The following LIPI variants were observed in gnomAD, a reference collection of about 807,000 sequenced individuals.
LIPI encodes the protein lipase I, also known as lipase member I.
Under a neutral mutation model 50.6 loss-of-function variants are expected in LIPI, and 59 were observed. The observed-to-expected ratio is 1.16, with a 90% CI of 0.94 to 1.45. LIPI has a LOEUF of 1.45. LIPI is among the 40% of genes most tolerant of loss of function. The pLI, the probability that LIPI is intolerant of heterozygous loss-of-function variation, is 0.00. For synonymous variants in LIPI, 203 were observed against 178.2 expected (o/e 1.14, Z -1.11); for missense variants, 586 against 536.3 (o/e 1.09, Z -0.92).
chr21:14,190,672 A>G (rs1278074074), intron 1 of LIPI, among the ~76,000 whole-genome samples: 1 of 152,218 alleles, frequency 6.6e-6, no homozygotes, highest in Non-Finnish European at 1.5e-5. Context: ...TCCTATATTA[A>G]CAGCTGAGAG....
At position 14,134,728 on chromosome 21, in the gene LIPI, G is replaced by A. The variant is rs933056424; in HGVS notation, c.1295+9895C>T. Among the ~76,000 whole-genome samples the A allele has an allele frequency of 1.2e-4, 19 of 152,180 alleles. 2 individuals are homozygous for A. Among genetic ancestry groups the A allele is most frequent in the South Asian group, 1.2e-3 (6 of 4,824 alleles). On this transcript the variant is annotated intron_variant, in intron 9 of 9. Transcript: ENST00000681601. ...TTCAATAAATAGTAGTAGGAAAATT[G>A]AATAGCCATAGGCAGAATAATGAAA...
chr21:14,195,474 C>T (rs2019813850), intron 1 of LIPI, among the ~76,000 whole-genome samples: 1 of 152,136 alleles, frequency 6.6e-6, no homozygotes, highest in Non-Finnish European at 1.5e-5. Context: ...AACTTAGAGT[C>T]ATCCTCCTTC....
chr21:14,135,064 A>G (rs1391528266), intron 9 of LIPI, among the ~76,000 whole-genome samples: 1 of 150,798 alleles, frequency 6.6e-6, no homozygotes, highest in African/African-American at 2.4e-5. Context: ...AATACTCAGA[A>G]TCTATAAGTA....
chr21:14,165,294 G>T lies in LIPI; in HGVS notation c.830C>A (p.Ser277Ter). 1 of 1,611,914 alleles carries T rather than the reference G, an allele frequency of 6.2e-7. No individual in the cohort carries two copies. The highest frequency in any genetic ancestry group is 1.1e-5 in the South Asian group (1 of 91,024). The change falls in exon 6 of 10, where the codon TCA (serine) becomes TAA (stop). Residue 277 changes from serine (S) to a stop codon, truncating the protein, a stop_gained. Coordinates refer to ENST00000681601, the MANE Select transcript of LIPI (RefSeq NM_001302998.2). LOFTEE classifies it high-confidence loss of function. ...NCNFISFPCRSYKDYKTSLCV... is the reference protein window; with the variant it reads ...NCNFISFPCR ...TAAGCTAGTCTTGTAATCTTTGTAT[G>T]AACGACAAGGAAATGAAATAAAATT... is the stretch of plus-strand genomic sequence containing the variant.
chr21:14,157,684 G>A (rs1266005005), intron 7 of LIPI, among the ~76,000 whole-genome samples: 2 of 151,808 alleles, frequency 1.3e-5, no homozygotes, highest in African/African-American at 4.8e-5. Flanking sequence ...AGAAGAAGGG[G>A]GTGAAAGAAA....
chr21:14,203,007 T>C (rs1181467923), intron 1 of LIPI, among the ~76,000 whole-genome samples: 1 of 151,330 alleles, frequency 6.6e-6, no homozygotes, highest in Non-Finnish European at 1.5e-5. Flanking sequence ...AACAAACCCA[T>C]CAAAAAGTGG....
chr21:14,172,353 A>C lies in LIPI; in HGVS notation c.644-5902T>G, dbSNP rs1447924288. Among the ~76,000 whole-genome samples the C allele has an allele frequency of 4.6e-5, 7 of 152,216 alleles. No individual in the cohort carries two copies. The South Asian group carries it at 8.3e-4, about 18-fold the overall frequency. On this transcript the variant is annotated intron_variant, in intron 4 of 9. Transcript: ENST00000681601. ...AACTAGAAATAGCATTTGACCCAGC[A>C]ATCCCATTACTGGGTATATACCCAA...
At chr21:14,209,053 GA>G (rs1568889956) in intron 1 of LIPI, among the ~76,000 whole-genome samples, 2 of 151,788 alleles carry the variant, frequency 1.3e-5, no homozygotes, top group Admixed American at 6.6e-5. Flanking sequence ...CCTGTCCAAA[GA>G]AAAAAAGAAT....
chr21:14,137,652 T>C (rs186361655), intron 9 of LIPI, among the ~76,000 whole-genome samples: 2 of 152,096 alleles, frequency 1.3e-5, no homozygotes, highest in Non-Finnish European at 2.9e-5. Flanking sequence ...GAGAAAGAGA[T>C]AGGGGTAGAA....
At chr21:14,185,600 G>A (rs2019424150) in intron 3 of LIPI, among the ~76,000 whole-genome samples, 1 of 152,140 alleles carries the variant, frequency 6.6e-6, no homozygotes, top group Non-Finnish European at 1.5e-5. Flanking sequence ...CAAAGTGGCT[G>A]GCCACAGTGG....
At chr21:14,196,524 C>CT (rs938236315) in intron 1 of LIPI, among the ~76,000 whole-genome samples, 43 of 152,074 alleles carry the variant, frequency 2.8e-4, no homozygotes, top group African/African-American at 9.6e-4. Context: ...TATGGTGCAC[C>CT]TATTTTTTCA....
At chr21:14,132,552 C>A (rs2017336613) in intron 9 of LIPI, among the ~76,000 whole-genome samples, 1 of 152,028 alleles carries the variant, frequency 6.6e-6, no homozygotes, top group Non-Finnish European at 1.5e-5. Context: ...ATTAACAAGT[C>A]CTACAGGAAA....
rs559453215 is a variant in LIPI at position 14,127,813 on chromosome 21, T to G, written c.1295+16810A>C. Among the ~76,000 whole-genome samples, 3 of 152,250 alleles carry G rather than the reference T, an allele frequency of 2.0e-5. No individual in the cohort carries two copies. In the South Asian group the frequency reaches 6.2e-4, roughly 32 times the overall value. ...TAACCTGAGATAGAAGATTTAAAAA[T>G]GTTCCTCCTCCTTGACGTCTCTTCT... On this transcript the variant is annotated intron_variant, in intron 9 of 9. Coordinates refer to ENST00000681601, the MANE Select transcript of LIPI (RefSeq NM_001302998.2).
chr21:14,112,481 T>C (rs903029773), intron 9 of LIPI, among the ~76,000 whole-genome samples: 5 of 152,116 alleles, frequency 3.3e-5, no homozygotes, highest in Non-Finnish European at 5.9e-5. Flanking sequence ...ATGGGATATC[T>C]TTCATTTATT....
intron 9 of LIPI, among the ~76,000 whole-genome samples, chr21:14,140,767 T>TGGAATAATTTGATG (rs2017677307): frequency 6.6e-6 from 1 of 152,170 alleles, no homozygotes; most frequent in Non-Finnish European, 1.5e-5. Flanking sequence ...TCCATTATAT[T>TGGAATAATTTGATG]CTTCCTCAAG....
chr21:14,193,835 AG>A (rs1228143758), intron 1 of LIPI, among the ~76,000 whole-genome samples: 3 of 152,178 alleles, frequency 2.0e-5, no homozygotes, highest in Non-Finnish European at 4.4e-5. Flanking sequence ...TTATCAACAA[AG>A]TAAAAAGGCA....
chr21:14,165,469 G>T, intron 5 of LIPI, 79 bp from the exon 6 acceptor site: 1 of 1,073,096 alleles, frequency 9.3e-7, no homozygotes, highest in Non-Finnish European at 1.4e-6. Context: ...AAGTAAAGAT[G>T]AAGTTTTGCT....
At chr21:14,188,738 G>C (rs1340337115) in intron 2 of LIPI, among the ~76,000 whole-genome samples, 1 of 151,924 alleles carries the variant, frequency 6.6e-6, no homozygotes, top group Non-Finnish European at 1.5e-5. Flanking sequence ...GGTTGGTATA[G>C]GTAGAGTTAA....
In LIPI at chr21:14,163,500, C is replaced by T; in HGVS notation, c.925G>A (p.Gly309Ser). The T allele has an allele frequency of 6.4e-7, 1 of 1,569,372 alleles. No homozygotes were observed. Among genetic ancestry groups the T allele is most frequent in the Non-Finnish European group, 8.8e-7 (1 of 1,139,654 alleles). ...CCTTCCATCCTTTCTTTTAAAACAC[C>T]TTTAAATAGCTTGGCTTGATAACCT... ...RLGYQAKLFK[G>S]VLKERMEGRP... Residue 309 changes from glycine (G) to serine (S), a missense_variant, in exon 7 of 10, where the codon GGT becomes AGT. Gly to Ser is a moderately conservative substitution (Grantham distance 56, BLOSUM62 0). Transcript: ENST00000681601.
Sources: gnomAD v4.1 joint callset for allele counts (sites outside exome capture counted in the v4.1 genomes callset) on GRCh38, gnomAD v4.1.1 for gene constraint, MANE v1.5 for transcripts, NCBI Gene and HGNC (gene_info 2026-07-23, HGNC 2026-07-21) for gene names.